TBC1D10A: variants seen among roughly 807,000 people sequenced by gnomAD.
The protein encoded by TBC1D10A is TBC1 domain family member 10A, also known as EBP50-PDX interactor of 64 kDa.
In TBC1D10A, 24 loss-of-function variants were observed where a neutral mutation model predicts 52.9. The observed-to-expected ratio is 0.45, with a 90% CI of 0.33 to 0.64. The LOEUF (loss-of-function observed/expected upper bound fraction) is 0.64. TBC1D10A is among the 30% of genes least tolerant of loss of function. The pLI, the probability that TBC1D10A is intolerant of heterozygous loss-of-function variation, is 0.02. For synonymous variants in TBC1D10A, 278 were observed against 282.9 expected (o/e 0.98, Z 0.17); for missense variants, 602 against 687.9 (o/e 0.88, Z 1.40).
chr22:30,322,837 C>T (rs1340124601), intron 1 of TBC1D10A, among the ~76,000 whole-genome samples: 5 of 150,768 alleles, frequency 3.3e-5, no homozygotes, highest in East Asian at 1.9e-4. Context: ...CTCAAGCGAT[C>T]GCCTGCCTCA....
chr22:30,302,598 C>T (rs1389875776), intron 2 of TBC1D10A, among the ~76,000 whole-genome samples: 2 of 152,228 alleles, frequency 1.3e-5, no homozygotes, highest in African/African-American at 4.8e-5. Context: ...CCAGTATGGC[C>T]ACAGCTGAGA....
In TBC1D10A at chr22:30,297,648, T is replaced by C. The variant is rs1930111117; in HGVS notation, c.417+1796A>G. 1 of 152,324 alleles carries C rather than the reference T, an allele frequency of 6.6e-6. No homozygotes were observed. The highest frequency in any genetic ancestry group is 6.5e-5 in the Admixed American group (1 of 15,278). 9.4% of individuals were successfully genotyped at this position (152,324 alleles called of 1,614,324 possible). A position where few individuals can be genotyped will look rare whatever the true frequency, so the allele number is the denominator to read the frequency against. ...CCAGGTAAAAAAGGACAGGAGGTCC[T>C]GCCTGCCCAAGGAAGGAGGAAGAAA... On this transcript the variant is annotated intron_variant, in intron 3 of 8. Coordinates refer to ENST00000215790, the MANE Select transcript of TBC1D10A (RefSeq NM_031937.3). This position sits in a 1 kb window ranked among gnomAD's most constrained non-coding sequence, Gnocchi z 4.3.
chr22:30,296,037 CAAG>C, intron 3 of TBC1D10A, 194 bp from the exon 4 acceptor site: 1 of 592,884 alleles, frequency 1.7e-6, no homozygotes, highest in Non-Finnish European at 3.0e-6. Context: ...GGCAAAGGGG[CAAG>C]GAGGGAAGGG....
intron 1 of TBC1D10A, among the ~76,000 whole-genome samples, chr22:30,316,461 GTT>G (rs71328836): frequency 7.0e-6 from 1 of 143,050 alleles, no homozygotes. Context: ...TTTTGTTTTT[GTT>G]TTTTTTTTTT....
rs1929979404 is a variant in TBC1D10A, at chr22:30,292,796, A to C, written c.1106T>G (p.Leu369Arg). The C allele has an allele frequency of 6.2e-7, 1 of 1,611,910 alleles. No individual in the cohort carries two copies. Among genetic ancestry groups the C allele is most frequent in the African/African-American group, 1.3e-5 (1 of 74,810 alleles). The change falls in exon 9 of 9, where the codon CTG becomes CGG. Residue 369 changes from leucine to arginine, a missense_variant. Leu to Arg is a moderately radical substitution (Grantham distance 102). Around this residue, in one of 3 missense-constraint regions of TBC1D10A, gnomAD observed 265 missense variants for 275.1 expected, o/e 0.96. Coordinates refer to ENST00000215790, the MANE Select transcript of TBC1D10A (RefSeq NM_031937.3). The part of the protein sequence containing the change: ...RQIEREHLIQ[L>R]RRWQETRGEL... ...ACCCCGGGTCTCCTGCCAGCGCCGC[A>C]GCTGAATGAGGTGTTCGCGCTCAAT... is the stretch of plus-strand genomic sequence containing the variant.
At chr22:30,309,077 G>A (rs1930374377) in intron 1 of TBC1D10A, among the ~76,000 whole-genome samples, 1 of 152,128 alleles carries the variant, frequency 6.6e-6, no homozygotes, top group Non-Finnish European at 1.5e-5. Flanking sequence ...CTCCATCTCT[G>A]GCGCCCAAGC....
At chr22:30,299,166 C>A in intron 3 of TBC1D10A, 1 of 353,430 alleles carries the variant, frequency 2.8e-6, no homozygotes, top group Non-Finnish European at 5.2e-6. Context: ...CCTGAGTGGT[C>A]ATCAAGAGAA....
At chr22:30,308,055 T>C (rs1226754635) in intron 1 of TBC1D10A, among the ~76,000 whole-genome samples, 1 of 152,200 alleles carries the variant, frequency 6.6e-6, no homozygotes, top group Non-Finnish European at 1.5e-5. Context: ...CTCGGCCTCC[T>C]GAAGTGTTGG....
At chr22:30,318,904 C>T in intron 1 of TBC1D10A, 1 of 352,524 alleles carries the variant, frequency 2.8e-6, no homozygotes, top group South Asian at 2.1e-5. Flanking sequence ...CTCAGACCGC[C>T]CAACCCATTT....
intron 2 of TBC1D10A, among the ~76,000 whole-genome samples, chr22:30,303,932 A>C (rs546357734): frequency 9.2e-5 from 14 of 152,356 alleles, no homozygotes; most frequent in Non-Finnish European, 4.4e-5. Flanking sequence ...GACTATCATT[A>C]AAGTGTGAAG....
At position 30,292,589 on chromosome 22, in the gene TBC1D10A, T is replaced by G. The variant is rs1208674582; in HGVS notation, c.1313A>C (p.Gln438Pro). 6.2e-7 allele frequency: 1 copy of G among 1,613,782 alleles called. No individual in the cohort carries two copies. The highest frequency in any genetic ancestry group is 1.1e-5 in the South Asian group (1 of 91,030). The change falls in exon 9 of 9, where the codon CAG becomes CCG. Residue 438 changes from glutamine (Q) to proline (P), a missense_variant. Around this residue, in one of 3 missense-constraint regions of TBC1D10A, gnomAD observed 265 missense variants for 275.1 expected, o/e 0.96. Coordinates refer to ENST00000215790, the MANE Select transcript of TBC1D10A (RefSeq NM_031937.3). ...PKQAQKEQRK[Q>P]MKGRGQLEKP... Reference sequence around the variant, plus strand: ...CTCCAGCTGCCCTCTCCCCTTCATCTGTTTCCGCTGCTCCTTCTGGGCCTG... The same window carrying G: ...CTCCAGCTGCCCTCTCCCCTTCATCGGTTTCCGCTGCTCCTTCTGGGCCTG...
rs377138880 is a variant in TBC1D10A, at chr22:30,299,562, A to G, written c.310-11T>C. 5.0e-6 allele frequency: 8 copies of G among 1,613,706 alleles called. No homozygotes were observed. The highest frequency in any genetic ancestry group is 3.3e-4 in the Middle Eastern group (2 of 6,058). On this transcript the variant is annotated splice_polypyrimidine_tract_variant and intron_variant, in intron 2 of 8. Transcript: ENST00000215790. ...GCACCGCAGACGAATCTGAAAATCA[A>G]AAGGACAGCTGAGCCCATGCAGCCA...
chr22:30,299,579 A>G (rs1402241051), intron 2 of TBC1D10A, 28 bp from the exon 3 acceptor site: 1 of 1,610,216 alleles, frequency 6.2e-7, no homozygotes, highest in African/African-American at 1.3e-5. Flanking sequence ...AGCTGAGCCC[A>G]TGCAGCCACC....
intron 8 of TBC1D10A, 141 bp downstream of exon 8, chr22:30,293,510 C>T: frequency 8.0e-7 from 1 of 1,242,668 alleles, no homozygotes; most frequent in Non-Finnish European, 1.1e-6. Context: ...AGGATGAGGT[C>T]CACCCACATG....
At chr22:30,311,650 A>G (rs1930428589) in intron 1 of TBC1D10A, among the ~76,000 whole-genome samples, 2 of 151,832 alleles carry the variant, frequency 1.3e-5, no homozygotes, top group South Asian at 4.1e-4. Flanking sequence ...GCTCAGCTCC[A>G]CCCTACTCAG....
intron 8 of TBC1D10A, 176 bp from the exon 9 acceptor site, chr22:30,293,027 G>C (rs983703651): frequency 7.5e-5 from 52 of 689,662 alleles, no homozygotes; most frequent in Non-Finnish European, 3.9e-5. Context: ...ACAGCTGAGT[G>C]CCAGGTGAGC....
At position 30,292,059 on chromosome 22, in the gene TBC1D10A, T is replaced by C. The variant is rs1437735965; in HGVS notation, c.*316A>G. 3.0e-6 allele frequency: 1 copy of C among 331,888 alleles called. No individual in the cohort carries two copies. Among genetic ancestry groups the C allele is most frequent in the Non-Finnish European group, 5.5e-6 (1 of 182,844 alleles). 20.6% of individuals were successfully genotyped at this position (331,888 alleles called of 1,614,324 possible). A position where few individuals can be genotyped will look rare whatever the true frequency, so the allele number is the denominator to read the frequency against. On this transcript the variant is annotated 3_prime_UTR_variant, in exon 9 of 9. Transcript: ENST00000215790. ...TTTTACACAAAGAACACCCCACCCT[T>C]TCCCCTCACACCAGCACCCTAACCC...
chr22:30,294,087 C>G lies in TBC1D10A; in HGVS notation c.729G>C (p.Glu243Asp), dbSNP rs1455968398. ...EKLEAIQLDG[E>D]ILFSLLQKVS... is the part of the protein sequence containing the mutation. ...CCTTCTGCAACAGCGAGAAAAGGAT[C>G]TCCCCGTCCAGCTGGATCGCCTCCT... The change falls in exon 7 of 9, where the codon GAG becomes GAC. Residue 243 changes from glutamate to aspartate, a missense_variant. Coordinates refer to ENST00000215790, the MANE Select transcript of TBC1D10A (RefSeq NM_031937.3). 1 of 1,613,996 alleles carries G rather than the reference C, an allele frequency of 6.2e-7. No homozygotes were observed. The highest frequency in any genetic ancestry group is 8.5e-7 in the Non-Finnish European group (1 of 1,180,000).
In TBC1D10A at chr22:30,297,977, C is replaced by T. The variant is rs1490641356; in HGVS notation, c.417+1467G>A. The T allele has an allele frequency of 1.3e-5, 2 of 152,286 alleles. No individual in the cohort carries two copies. The highest frequency in any genetic ancestry group is 2.9e-5 in the Non-Finnish European group (2 of 68,086). The allele number at this position is 152,286 out of a possible 1,614,324, so 9.4% of individuals were successfully genotyped here. On this transcript the variant is annotated intron_variant, in intron 3 of 8. Coordinates refer to ENST00000215790, the MANE Select transcript of TBC1D10A (RefSeq NM_031937.3). The surrounding 1 kb of genome is among the most constrained non-coding windows in gnomAD (Gnocchi z 4.3). ...AGGAACCCGTCACTCAGCTTCGGTG[C>T]ATCAAGAAGGCCTTCTCTGCAAATC...
Sources: allele counts gnomAD v4.1 joint callset (sites outside exome capture counted in the v4.1 genomes callset), GRCh38; gene constraint gnomAD v4.1.1; regional missense constraint gnomAD v4.1.1; non-coding constraint Gnocchi (gnomAD v3.1); transcripts MANE v1.5; gene names NCBI Gene and HGNC (gene_info 2026-07-23, HGNC 2026-07-21).